The following MAPK4 variants were observed in gnomAD, a reference collection of about 807,000 sequenced individuals.
MAPK4 encodes the protein mitogen-activated protein kinase 4, also known as Erk3-related.
MAPK4 carries 22 observed loss-of-function variants against 47.7 expected under a neutral mutation model. The observed-to-expected ratio is 0.46, with a 90% CI of 0.33 to 0.66. MAPK4 has a LOEUF of 0.66. Among genes scored for constraint, MAPK4 ranks in the 30% least tolerant of loss-of-function variants. The pLI is 0.02. For synonymous variants in MAPK4, 390 were observed against 365.7 expected (o/e 1.07, Z -0.76); for missense variants, 736 against 831.7 (o/e 0.88, Z 1.42).
chr18:50,598,777 T>C (rs1220780340), intron 1 of MAPK4, among the ~76,000 whole-genome samples: 1 of 152,236 alleles, frequency 6.6e-6, no homozygotes, highest in East Asian at 1.9e-4. Context: ...TCCCTTGTTT[T>C]TTCATGACTT....
intron 2 of MAPK4, chr18:50,705,983 C>G (rs1910032172): frequency 6.6e-6 from 1 of 152,172 alleles, no homozygotes; most frequent in South Asian, 2.1e-4. Flanking sequence ...CTCAGCTCTG[C>G]CAATTATTAG....
rs1911512856 is a variant in MAPK4, at chr18:50,730,678, C to G, written c.*824C>G. 1 of 152,532 alleles carries G rather than the reference C, an allele frequency of 6.6e-6. No individual in the cohort carries two copies. Among genetic ancestry groups the G allele is most frequent in the Non-Finnish European group, 1.5e-5 (1 of 68,050 alleles). 9.4% of individuals were successfully genotyped at this position (152,532 alleles called of 1,614,324 possible). A position where few individuals can be genotyped will look rare whatever the true frequency, so the allele number is the denominator to read the frequency against. On this transcript the variant is annotated 3_prime_UTR_variant, in exon 6 of 6. Coordinates refer to ENST00000400384, the MANE Select transcript of MAPK4 (RefSeq NM_002747.4). ...CCTGTGCACACACCCCCTCAGCACT[C>G]CCTATGCACTTTCCTGACACGCAAA...
intron 2 of MAPK4, among the ~76,000 whole-genome samples, chr18:50,665,630 G>C (rs568567140): frequency 6.6e-6 from 1 of 152,310 alleles, no homozygotes; most frequent in Non-Finnish European, 1.5e-5. Context: ...GCCCTCTACA[G>C]CTGCAGTGCA....
At chr18:50,649,873 T>G (rs2043029995) in intron 1 of MAPK4, among the ~76,000 whole-genome samples, 1 of 152,316 alleles carries the variant, frequency 6.6e-6, no homozygotes, top group Non-Finnish European at 1.5e-5. Context: ...TGAGAACTCA[T>G]GAAACCCTGA....
At chr18:50,700,116 C>T (rs903001855) in intron 2 of MAPK4, among the ~76,000 whole-genome samples, 1 of 152,128 alleles carries the variant, frequency 6.6e-6, no homozygotes, top group East Asian at 1.9e-4. Flanking sequence ...GGGCTGATAC[C>T]ACGTGGCTCA....
In MAPK4 at chr18:50,731,583, A is replaced by C. The variant is rs1911565997; in HGVS notation, c.*1729A>C. The C allele has an allele frequency of 6.6e-6, 1 of 152,492 alleles. No individual in the cohort carries two copies. Among genetic ancestry groups the C allele is most frequent in the African/African-American group, 2.4e-5 (1 of 41,452 alleles). 9.4% of individuals were successfully genotyped at this position (152,492 alleles called of 1,614,324 possible). A position where few individuals can be genotyped will look rare whatever the true frequency, so the allele number is the denominator to read the frequency against. ...TTTAAATGGAAAATATGTAAATAGGAAGTGTTTGGGTTTTGTTTTTTCTTT... is the reference window on the plus strand; with the variant it reads ...TTTAAATGGAAAATATGTAAATAGGCAGTGTTTGGGTTTTGTTTTTTCTTT... On this transcript the variant is annotated 3_prime_UTR_variant, in exon 6 of 6. Coordinates refer to ENST00000400384, the MANE Select transcript of MAPK4 (RefSeq NM_002747.4).
chr18:50,577,860 G>C (rs2042311280), intron 1 of MAPK4, among the ~76,000 whole-genome samples: 1 of 152,158 alleles, frequency 6.6e-6, no homozygotes, highest in Admixed American at 6.5e-5. Flanking sequence ...TAATTGCCCT[G>C]TTCCTTGTAT....
intron 2 of MAPK4, among the ~76,000 whole-genome samples, chr18:50,665,941 C>G (rs1264661380): frequency 1.3e-5 from 2 of 152,290 alleles, no homozygotes; most frequent in East Asian, 3.9e-4. Flanking sequence ...TCTTTTTTCT[C>G]TTTCTTCTAA....
intron 1 of MAPK4, among the ~76,000 whole-genome samples, chr18:50,590,669 A>G (rs552375574): frequency 3.9e-5 from 6 of 152,348 alleles, no homozygotes; most frequent in South Asian, 2.1e-4. Flanking sequence ...CAAAAATTTG[A>G]GTGTGCATTA....
At chr18:50,616,807 G>A (rs1210168099) in intron 1 of MAPK4, among the ~76,000 whole-genome samples, 1 of 152,152 alleles carries the variant, frequency 6.6e-6, no homozygotes, top group Non-Finnish European at 1.5e-5. Context: ...CTGCTTTTAT[G>A]CTGTCAGCTG....
intron 2 of MAPK4, among the ~76,000 whole-genome samples, chr18:50,708,549 C>T (rs1168949879): frequency 2.6e-5 from 4 of 152,166 alleles, no homozygotes; most frequent in Non-Finnish European, 4.4e-5. Flanking sequence ...CTTAACCAGT[C>T]GAGGTCCTCA....
intron 2 of MAPK4, among the ~76,000 whole-genome samples, chr18:50,691,448 G>A (rs1481404920): frequency 1.3e-5 from 2 of 152,204 alleles, no homozygotes; most frequent in Non-Finnish European, 2.9e-5. Flanking sequence ...ACAAAGGAAG[G>A]ATTCATGCTC....
In MAPK4 at chr18:50,663,999, A is replaced by G. The variant is rs1907434266; in HGVS notation, c.41A>G (p.Tyr14Cys). Residue 14 changes from tyrosine to cysteine, a missense_variant, in exon 2 of 6, where the codon TAT becomes TGT. Physicochemically the swap from Tyr to Cys is radical, Grantham distance 194. Around this residue, in one of 3 missense-constraint regions of MAPK4, gnomAD observed 327 missense variants for 395.4 expected, o/e 0.83. Transcript: ENST00000400384. ...GACTGCATCGCCAGTGTCTATGGGT[A>G]TGACCTCGGTGGGCGCTTTGTTGAC... ...KGDCIASVYG[Y>C]DLGGRFVDFQ... 2.5e-6 allele frequency: 4 copies of G among 1,613,828 alleles called. No individual in the cohort carries two copies. The highest frequency in any genetic ancestry group is 1.7e-5 in the Admixed American group (1 of 60,018).
chr18:50,614,356 A>G lies in MAPK4; in HGVS notation c.-870-48733A>G, dbSNP rs143095615. Among the ~76,000 whole-genome samples the G allele has an allele frequency of 7.9e-5, 12 of 152,238 alleles. No individual in the cohort carries two copies. The East Asian group carries it at 2.1e-3, about 27-fold the overall frequency. On this transcript the variant is annotated intron_variant, in intron 1 of 5. Coordinates refer to ENST00000400384, the MANE Select transcript of MAPK4 (RefSeq NM_002747.4). Reference sequence around the variant, plus strand: ...ATCAAAATTAAAACATTCTAAATTAATGTTTTTCAAAAATTTTAAACAGTA... The same window carrying G: ...ATCAAAATTAAAACATTCTAAATTAGTGTTTTTCAAAAATTTTAAACAGTA...
chr18:50,593,485 C>T (rs181958532), intron 1 of MAPK4, among the ~76,000 whole-genome samples: 2 of 152,320 alleles, frequency 1.3e-5, no homozygotes, highest in East Asian at 1.9e-4. Flanking sequence ...AGCAGATAAC[C>T]CGCAGTCTTT....
intron 1 of MAPK4, among the ~76,000 whole-genome samples, chr18:50,603,378 C>G (rs967414322): frequency 6.6e-6 from 1 of 152,208 alleles, no homozygotes; most frequent in Admixed American, 6.5e-5. Flanking sequence ...CACATCTCCT[C>G]TCACCCTGTG....
rs890731941 is a variant in MAPK4, at chr18:50,678,968, C to G, written c.546+14464C>G. Reference sequence around the variant, plus strand: ...GTCTTCTGCATACAAATACTACCATCTGTAGGAACCATGCAAACTCCAGCA... The same window carrying G: ...GTCTTCTGCATACAAATACTACCATGTGTAGGAACCATGCAAACTCCAGCA... On this transcript the variant is annotated intron_variant, in intron 2 of 5. Transcript: ENST00000400384. The surrounding 1 kb of genome is among the most constrained non-coding windows in gnomAD (Gnocchi z 4.2). Among the ~76,000 whole-genome samples, 13 of 152,328 alleles carry G rather than the reference C, an allele frequency of 8.5e-5. No individual in the cohort carries two copies. The highest frequency in any genetic ancestry group is 3.4e-3 in the Middle Eastern group (1 of 294).
intron 2 of MAPK4, among the ~76,000 whole-genome samples, chr18:50,667,323 T>C (rs533833623): frequency 2.0e-5 from 3 of 152,296 alleles, no homozygotes; most frequent in African/African-American, 7.2e-5. Context: ...ATCAATTTTG[T>C]TGACTGTATT....
At chr18:50,604,637 T>C (rs1476855458) in intron 1 of MAPK4, among the ~76,000 whole-genome samples, 1 of 152,262 alleles carries the variant, frequency 6.6e-6, no homozygotes. Flanking sequence ...CTAAGTTCTA[T>C]GTTTAACTTC....
Sources: allele counts gnomAD v4.1 joint callset (sites outside exome capture counted in the v4.1 genomes callset), GRCh38; gene constraint gnomAD v4.1.1; regional missense constraint gnomAD v4.1.1; non-coding constraint Gnocchi (gnomAD v3.1); transcripts MANE v1.5; gene names NCBI Gene and HGNC (gene_info 2026-07-23, HGNC 2026-07-21).